Variants in ESRRG observed in about 807,000 individuals in gnomAD.
ESRRG encodes estrogen related receptor gamma.
ESRRG carries 13 observed loss-of-function variants against 44.0 expected under a neutral mutation model. The ratio of observed to expected loss-of-function variants is 0.30; its 90% confidence interval spans 0.19 to 0.47. The LOEUF is 0.47. ESRRG is among the 20% of genes least tolerant of loss of function. The pLI, the probability that ESRRG is intolerant of heterozygous loss-of-function variation, is 1.00. For synonymous variants in ESRRG, 215 were observed against 214.6 expected, an observed-to-expected ratio of 1.00 and a Z score of -0.02; for missense variants, 395 against 580.6, an observed-to-expected ratio of 0.68 and a Z score of 3.29.
intron 2 of ESRRG, among the ~76,000 whole-genome samples, chr1:216,870,473 G>C (rs2096244563): frequency 6.6e-6 from 1 of 151,738 alleles, no homozygotes; most frequent in Non-Finnish European, 1.5e-5. Context: ...TCTGGTTTTG[G>C]TACAAGGGTT....
At chr1:216,740,564 A>T (rs923361762) in intron 2 of ESRRG, among the ~76,000 whole-genome samples, 1 of 151,912 alleles carries the variant, frequency 6.6e-6, no homozygotes, top group African/African-American at 2.4e-5. Context: ...GCACAAGGGG[A>T]GGCCTTTTTT....
chr1:216,530,109 C>CAAAA (rs34108833), intron 5 of ESRRG, among the ~76,000 whole-genome samples: 648 of 62,404 alleles, frequency 0.01, 15 homozygotes, highest in African/African-American at 0.035. Context: ...GAGACTCCAT[C>CAAAA]AAAAAAAAAA....
chr1:216,988,477 C>A, intron 1 of ESRRG, among the ~76,000 whole-genome samples: 1 of 152,198 alleles, frequency 6.6e-6, no homozygotes, highest in East Asian at 1.9e-4. Flanking sequence ...CCTCCCTCTT[C>A]CTAGCTGCTA....
chr1:216,780,493 A>C (rs1426168253), intron 2 of ESRRG, among the ~76,000 whole-genome samples: 1 of 152,042 alleles, frequency 6.6e-6, no homozygotes, highest in African/African-American at 2.4e-5. Context: ...AAATTGCTGA[A>C]ATGTACTGAA....
chr1:217,112,775 G>T (rs2092674608), intron 1 of ESRRG, among the ~76,000 whole-genome samples: 1 of 152,174 alleles, frequency 6.6e-6, no homozygotes, highest in East Asian at 1.9e-4. Flanking sequence ...ATCAAATCCA[G>T]TCTTTCTTAA....
chr1:216,631,328 G>A (rs879658500), intron 3 of ESRRG, among the ~76,000 whole-genome samples: 17 of 152,166 alleles, frequency 1.1e-4, no homozygotes, highest in Non-Finnish European at 2.2e-4. Context: ...TAGTAGCAAG[G>A]AGAAAGCTCA....
intron 2 of ESRRG, among the ~76,000 whole-genome samples, chr1:216,873,209 G>GTTTTT (rs754735743): frequency 0.02 from 2,094 of 105,878 alleles, 183 homozygotes; most frequent in African/African-American, 0.047. Context: ...CATCTTTTCA[G>GTTTTT]TTTTTTTTTT....
intron 1 of ESRRG, among the ~76,000 whole-genome samples, chr1:217,009,950 C>T (rs1288324923): frequency 6.6e-6 from 1 of 152,046 alleles, no homozygotes; most frequent in African/African-American, 2.4e-5. Flanking sequence ...ATAATCCACC[C>T]ACCTCGGCCT....
At chr1:216,743,756 A>C (rs2091042892) in intron 2 of ESRRG, among the ~76,000 whole-genome samples, 1 of 152,174 alleles carries the variant, frequency 6.6e-6, no homozygotes, top group Admixed American at 6.5e-5. Context: ...GCTAAGTATC[A>C]CAGGTTTATG....
At chr1:216,942,888 C>T (rs914459506) in intron 1 of ESRRG, among the ~76,000 whole-genome samples, 5 of 152,024 alleles carry the variant, frequency 3.3e-5, no homozygotes, top group Admixed American at 6.6e-5. Flanking sequence ...AGTTCTTTTG[C>T]TGTGGAGAAG....
intron 1 of ESRRG, among the ~76,000 whole-genome samples, chr1:217,050,961 G>T (rs1197207639): frequency 6.6e-6 from 1 of 152,036 alleles, no homozygotes. Context: ...GAAATAGCCA[G>T]GTGTGGGAAG....
intron 2 of ESRRG, among the ~76,000 whole-genome samples, chr1:216,817,806 C>T (rs1021100925): frequency 6.6e-6 from 1 of 152,174 alleles, no homozygotes; most frequent in African/African-American, 2.4e-5. Flanking sequence ...TTACTGCCTA[C>T]TACGGCAAAG....
intron 1 of ESRRG, among the ~76,000 whole-genome samples, chr1:216,969,120 T>C (rs951712204): frequency 1.3e-5 from 2 of 152,224 alleles, no homozygotes; most frequent in African/African-American, 4.8e-5. Context: ...CATTCACTCA[T>C]GCATTTACTT....
chr1:216,813,845 T>C (rs541537180), intron 2 of ESRRG, among the ~76,000 whole-genome samples: 2 of 152,318 alleles, frequency 1.3e-5, no homozygotes, highest in Admixed American at 6.5e-5. Context: ...CTCATTCCCC[T>C]AGGAAAGAAT....
At chr1:216,521,547 G>A (rs116185466) in intron 5 of ESRRG, among the ~76,000 whole-genome samples, 2 of 151,984 alleles carry the variant, frequency 1.3e-5, no homozygotes, top group African/African-American at 2.4e-5. Context: ...CTCCCAAGTC[G>A]CAGTTTCTCT....
chr1:217,019,812 T>C (rs1272757640), intron 1 of ESRRG, among the ~76,000 whole-genome samples: 1 of 152,200 alleles, frequency 6.6e-6, no homozygotes, highest in Non-Finnish European at 1.5e-5. Flanking sequence ...ATAGTGTCTG[T>C]CTCATAGAAA....
chr1:216,752,746 T>C (rs1271703328), intron 2 of ESRRG, among the ~76,000 whole-genome samples: 1 of 152,148 alleles, frequency 6.6e-6, no homozygotes, highest in African/African-American at 2.4e-5. Context: ...ACATGTATTC[T>C]GGAACAGTGG....
At chr1:216,784,721 T>C (rs1207098043) in intron 2 of ESRRG, among the ~76,000 whole-genome samples, 1 of 152,070 alleles carries the variant, frequency 6.6e-6, no homozygotes, top group Non-Finnish European at 1.5e-5. Context: ...CCTTTCTTCC[T>C]TCCTCCTCCC....
At chr1:217,099,426 C>G (rs921476459) in intron 1 of ESRRG, among the ~76,000 whole-genome samples, 1 of 150,814 alleles carries the variant, frequency 6.6e-6, no homozygotes, top group South Asian at 2.1e-4. Flanking sequence ...AGAATTAATT[C>G]TTTTTAATTT....
Sources: gnomAD v4.1 joint callset for allele counts (sites outside exome capture counted in the v4.1 genomes callset) on GRCh38, gnomAD v4.1.1 for gene constraint, MANE v1.5 for transcripts, NCBI Gene and HGNC (gene_info 2026-07-23, HGNC 2026-07-21) for gene names.